The following DENND4A variants were observed in gnomAD, a reference collection of about 807,000 sequenced individuals.
DENND4A encodes DENN domain containing 4A, also known as C-myc promoter-binding protein.
DENND4A carries 70 observed loss-of-function variants against 199.3 expected under a neutral mutation model. That is an observed-to-expected ratio of 0.35 (90% CI 0.29 to 0.43). The LOEUF (loss-of-function observed/expected upper bound fraction) is 0.43. Ranked by LOEUF, DENND4A falls within the 20% of genes least tolerant of loss-of-function variation. DENND4A has a pLI of 1.00. For missense variants in DENND4A, 1,723 were observed against 2,255.8 expected (o/e 0.76, Z 4.78); for synonymous variants, 686 against 766.9 (o/e 0.89, Z 1.74).
chr15:65,782,859 C>T (rs1248942271), intron 1 of DENND4A, among the ~76,000 whole-genome samples: 5 of 151,966 alleles, frequency 3.3e-5, no homozygotes, highest in Admixed American at 3.3e-4. Context: ...CTAAAAATAT[C>T]TGAAGCAATA....
At chr15:65,788,283 G>A (rs907251356) in intron 1 of DENND4A, among the ~76,000 whole-genome samples, 5 of 152,060 alleles carry the variant, frequency 3.3e-5, no homozygotes, top group African/African-American at 1.2e-4. Flanking sequence ...CACCGTGTTA[G>A]CCAGGATGGT....
chr15:65,685,169 T>A (rs1006431317), intron 23 of DENND4A, among the ~76,000 whole-genome samples: 4 of 147,684 alleles, frequency 2.7e-5, no homozygotes, highest in Non-Finnish European at 6.0e-5. Flanking sequence ...CTCTGTCGCC[T>A]AGGCCAGAGT....
intron 21 of DENND4A, 105 bp from the exon 22 acceptor site, chr15:65,696,602 G>A (rs2142128491): frequency 2.6e-6 from 2 of 781,222 alleles, no homozygotes; most frequent in Non-Finnish European, 3.9e-6. Flanking sequence ...GAAAATAGGT[G>A]ACAAGAAAAT....
At chr15:65,747,412 T>C (rs1424401501) in intron 4 of DENND4A, among the ~76,000 whole-genome samples, 1 of 152,192 alleles carries the variant, frequency 6.6e-6, no homozygotes, top group African/African-American at 2.4e-5. Context: ...CTAGATGCTA[T>C]TATCATCCTC....
chr15:65,749,702 T>C (rs2076508474), intron 4 of DENND4A, among the ~76,000 whole-genome samples: 1 of 152,184 alleles, frequency 6.6e-6, no homozygotes, highest in Non-Finnish European at 1.5e-5. Flanking sequence ...AAATTAAAAT[T>C]AGAACAATTT....
chr15:65,709,788 C>T (rs2075190475), intron 14 of DENND4A, among the ~76,000 whole-genome samples: 2 of 132,170 alleles, frequency 1.5e-5, no homozygotes, highest in Non-Finnish European at 3.1e-5. Context: ...TGAATTATAA[C>T]AAAGCAAATA....
chr15:65,720,251 G>A (rs1410612504), intron 12 of DENND4A, among the ~76,000 whole-genome samples: 1 of 152,058 alleles, frequency 6.6e-6, no homozygotes, highest in Non-Finnish European at 1.5e-5. Flanking sequence ...ATGTCATGAA[G>A]CATCTAATGT....
intron 32 of DENND4A, among the ~76,000 whole-genome samples, chr15:65,663,558 C>T (rs1050059768): frequency 2.0e-5 from 3 of 152,076 alleles, no homozygotes; most frequent in Non-Finnish European, 4.4e-5. Flanking sequence ...TATTTCTAGA[C>T]TCCCTATTCT....
intron 23 of DENND4A, among the ~76,000 whole-genome samples, chr15:65,683,207 G>A (rs1269904026): frequency 1.3e-5 from 2 of 152,120 alleles, no homozygotes; most frequent in Non-Finnish European, 2.9e-5. Context: ...ACCTGCCTAC[G>A]CTAGGCTTTA....
intron 23 of DENND4A, among the ~76,000 whole-genome samples, chr15:65,682,696 T>C (rs1360963370): frequency 6.6e-6 from 1 of 152,244 alleles, no homozygotes; most frequent in Non-Finnish European, 1.5e-5. Flanking sequence ...GCTTTTGACA[T>C]ACCTTCCTCA....
In DENND4A at chr15:65,691,225, A is replaced by G; in HGVS notation, c.3369T>C (p.Thr1123=). The change falls in exon 23 of 33, where the codon ACT becomes ACC. Residue 1123 remains threonine, a synonymous_variant. Transcript: ENST00000443035. ...TTAAAGGTGGCTTCCCAATATCAAG[A>G]GTATTTGGTCTCGTGCTTTTTGAGA... ...NVISKSTRPN[T]LDIGKPPLRS... 6.2e-7 allele frequency: 1 copy of G among 1,613,400 alleles called. No homozygotes were observed. Among genetic ancestry groups the G allele is most frequent in the Non-Finnish European group, 8.5e-7 (1 of 1,179,652 alleles).
At position 65,669,945 on chromosome 15, in the gene DENND4A, A is replaced by G. The variant is rs754636173; in HGVS notation, c.4641-20T>C. ...AAGTATCTGTAATGTGAATCGAAGG[A>G]ACTTTTTGAGAAAAGAGATATTATA... On this transcript the variant is annotated intron_variant, in intron 26 of 32. Transcript: ENST00000443035. 7.4e-6 allele frequency: 12 copies of G among 1,611,378 alleles called. No individual in the cohort carries two copies. Among genetic ancestry groups the G allele is most frequent in the Non-Finnish European group, 1.0e-5 (12 of 1,177,988 alleles).
chr15:65,729,414 A>C, intron 10 of DENND4A, 120 bp downstream of exon 10: 3 of 1,455,164 alleles, frequency 2.1e-6, no homozygotes, highest in Non-Finnish European at 2.8e-6. Context: ...AACTGCTTTC[A>C]AAAAACACAA....
Position 65,700,414 on chromosome 15 carries a change from A to C in DENND4A, c.2833+130T>G, listed in dbSNP as rs375929135. ...AGTTATTAAATCTAATATCAAATAA[A>C]ATACATAATATATAAAATTAAAAAG... On this transcript the variant is annotated intron_variant, in intron 20 of 32. Transcript: ENST00000443035. 5.0e-5 allele frequency: 19 copies of C among 381,794 alleles called. 1 individual carries two copies. Among genetic ancestry groups the C allele is most frequent in the East Asian group, 1.9e-4 (4 of 21,484 alleles). The allele number at this position is 381,794 out of a possible 1,614,324, so 23.7% of individuals were successfully genotyped here. A position where few individuals can be genotyped will look rare whatever the true frequency, so the allele number is the denominator to read the frequency against.
At chr15:65,693,106 A>C (rs559030942) in intron 22 of DENND4A, among the ~76,000 whole-genome samples, 3 of 152,220 alleles carry the variant, frequency 2.0e-5, no homozygotes, top group Non-Finnish European at 4.4e-5. Context: ...GTTTACACAC[A>C]TGCTAAATTA....
chr15:65,762,851 T>C (rs1031451329), intron 1 of DENND4A, among the ~76,000 whole-genome samples: 1 of 152,064 alleles, frequency 6.6e-6, no homozygotes, highest in Admixed American at 6.6e-5. Flanking sequence ...GGGTGGAGGT[T>C]GGGGGTATCC....
Position 65,671,823 on chromosome 15 carries a change from T to C in DENND4A, c.4433A>G (p.Asn1478Ser), listed in dbSNP as rs2076227700. 1 of 1,612,058 alleles carries C rather than the reference T, an allele frequency of 6.2e-7. No homozygotes were observed. The highest frequency in any genetic ancestry group is 8.5e-7 in the Non-Finnish European group (1 of 1,178,080). Residue 1478 changes from asparagine to serine, a missense_variant, in exon 25 of 33, where the codon AAT becomes AGT. Transcript: ENST00000443035. Reference protein sequence around the residue: ...SEVTSSFNASNTNIFQNYAME... With the variant: ...SEVTSSFNASSTNIFQNYAME... Reference sequence around the variant, plus strand: ...TGCATAGTTCTGGAAGATATTTGTATTACTCGCGTTGAAGGAAGATGTCAC... The same window carrying C: ...TGCATAGTTCTGGAAGATATTTGTACTACTCGCGTTGAAGGAAGATGTCAC...
At chr15:65,757,858 T>C (rs1383472277) in intron 2 of DENND4A, among the ~76,000 whole-genome samples, 2 of 152,024 alleles carry the variant, frequency 1.3e-5, no homozygotes, top group African/African-American at 2.4e-5. Flanking sequence ...GACACATGCC[T>C]GTAATTCCGC....
At position 65,702,438 on chromosome 15, in the gene DENND4A, C is replaced by T. The variant is rs771766697; in HGVS notation, c.2297G>A (p.Arg766His). 21 of 1,594,148 alleles carry T rather than the reference C, an allele frequency of 1.3e-5. No homozygotes were observed. The highest frequency in any genetic ancestry group is 6.7e-5 in the African/African-American group (5 of 74,456). The change falls in exon 17 of 33, where the codon CGC becomes CAC. Residue 766 changes from arginine to histidine, a missense_variant. By Grantham distance (29) the Arg-to-His change is conservative. This residue lies in a region of DENND4A where 725 missense variants were observed against 952.9 expected (regional missense o/e 0.76). Coordinates refer to ENST00000443035, the MANE Select transcript of DENND4A (RefSeq NM_001320835.1). The stretch of plus-strand genomic sequence containing the variant: ...AATAAACCACAGTCCATAACAGTGG[C>T]GCAGTAGACACCTAGACCACATCTG... Reference protein sequence around the residue: ...IPQMWSRCLLRHCYGLWFICL... With the variant: ...IPQMWSRCLLHHCYGLWFICL...
Sources: allele counts gnomAD v4.1 joint callset (sites outside exome capture counted in the v4.1 genomes callset), GRCh38; gene constraint gnomAD v4.1.1; regional missense constraint gnomAD v4.1.1; transcripts MANE v1.5; gene names NCBI Gene and HGNC (gene_info 2026-07-23, HGNC 2026-07-21).